Variants in LRRC7 observed in about 807,000 individuals in gnomAD.
The protein encoded by LRRC7 is leucine rich repeat containing 7.
In LRRC7, 23 loss-of-function variants were observed where a neutral mutation model predicts 175.7. The observed-to-expected ratio is 0.13, with a 90% confidence interval of 0.09 to 0.19. The LOEUF (loss-of-function observed/expected upper bound fraction) is 0.19, where lower values mean the gene tolerates loss of function less well. Among genes scored for constraint, LRRC7 ranks in the 10% least tolerant of loss-of-function variants. LRRC7 has a pLI of 1.00. For missense variants in LRRC7, 1,354 were observed against 1,904.7 expected (o/e 0.71, Z 5.38); for synonymous variants, 685 against 680.9 (o/e 1.01, Z -0.09).
chr1:69,914,023 C>A (rs1646612025), intron 7 of LRRC7, among the ~76,000 whole-genome samples: 1 of 152,086 alleles, frequency 6.6e-6, no homozygotes, highest in South Asian at 2.1e-4. Flanking sequence ...ACAGACTAAG[C>A]AAAGTGAAAA....
At position 69,879,875 on chromosome 1, in the gene LRRC7, G is replaced by C. The variant is rs1334870479; in HGVS notation, c.647+41592G>C. 2.0e-5 allele frequency: 3 copies of C among 152,402 alleles called. No homozygotes were observed. In the East Asian group the frequency reaches 5.8e-4, roughly 29 times the overall value. 9.4% of individuals were successfully genotyped at this position (152,402 alleles called of 1,614,324 possible). A position where few individuals can be genotyped will look rare whatever the true frequency, so the allele number is the denominator to read the frequency against. On this transcript the variant is annotated intron_variant, in intron 7 of 26. Transcript: ENST00000651989. Reference sequence around the variant, plus strand: ...ACTGCAGATTCATTCCCTAAGCCATGGAGTCAGGGTCCCCTGCCTTGGTCA... The same window carrying C: ...ACTGCAGATTCATTCCCTAAGCCATCGAGTCAGGGTCCCCTGCCTTGGTCA...
intron 1 of LRRC7, among the ~76,000 whole-genome samples, chr1:69,576,276 C>T (rs148831545): frequency 7.0e-4 from 106 of 151,136 alleles, no homozygotes; most frequent in African/African-American, 2.4e-3. Flanking sequence ...TAAGATCCTT[C>T]CTTCTTCTAA....
chr1:69,923,071 G>C (rs939251678), intron 7 of LRRC7, among the ~76,000 whole-genome samples: 2 of 151,918 alleles, frequency 1.3e-5, no homozygotes, highest in African/African-American at 4.8e-5. Context: ...TGCGGTGTTT[G>C]GTTTTTTGTC....
chr1:69,966,797 G>T (rs951018561), intron 8 of LRRC7, among the ~76,000 whole-genome samples: 1 of 152,224 alleles, frequency 6.6e-6, no homozygotes, highest in African/African-American at 2.4e-5. Context: ...AAAATACAGG[G>T]GTAGAGGAAG....
intron 4 of LRRC7, among the ~76,000 whole-genome samples, chr1:69,816,874 C>T (rs766702264): frequency 1.4e-4 from 21 of 151,916 alleles, no homozygotes; most frequent in East Asian, 1.9e-4. Context: ...TTAGATTCCC[C>T]GTATAAGTGA....
At chr1:69,999,129 G>A (rs1448175752) in intron 11 of LRRC7, among the ~76,000 whole-genome samples, 1 of 152,216 alleles carries the variant, frequency 6.6e-6, no homozygotes, top group Non-Finnish European at 1.5e-5. Flanking sequence ...ATTTAGTCAT[G>A]TCCTTTGAAA....
intron 3 of LRRC7, among the ~76,000 whole-genome samples, chr1:69,764,441 G>T (rs537945986): frequency 6.6e-6 from 1 of 151,998 alleles, no homozygotes; most frequent in African/African-American, 2.4e-5. Context: ...AGTGAATTTG[G>T]TAGATGAAAT....
At chr1:69,746,269 T>C (rs756929142) in intron 2 of LRRC7, among the ~76,000 whole-genome samples, 5 of 152,026 alleles carry the variant, frequency 3.3e-5, no homozygotes. Context: ...ATATCCATTT[T>C]TCAAGACATT....
At chr1:69,808,983 T>C (rs990388602) in intron 4 of LRRC7, among the ~76,000 whole-genome samples, 1 of 151,918 alleles carries the variant, frequency 6.6e-6, no homozygotes, top group Non-Finnish European at 1.5e-5. Context: ...AATCAATGAA[T>C]CCAGGAGCTG....
chr1:69,570,189 G>A (rs904608999), intron 1 of LRRC7, among the ~76,000 whole-genome samples: 3 of 152,032 alleles, frequency 2.0e-5, no homozygotes, highest in African/African-American at 7.2e-5. Context: ...GCATTCCAGC[G>A]AAAGCAGGAC....
intron 2 of LRRC7, among the ~76,000 whole-genome samples, chr1:69,718,989 TC>T (rs1666061634): frequency 6.6e-6 from 1 of 151,856 alleles, no homozygotes; most frequent in Non-Finnish European, 1.5e-5. Context: ...TCCCAATGAT[TC>T]ATTTATGTTT....
At chr1:69,885,277 A>G (rs1347969084) in intron 7 of LRRC7, among the ~76,000 whole-genome samples, 1 of 142,672 alleles carries the variant, frequency 7.0e-6, no homozygotes, top group Admixed American at 6.9e-5. Flanking sequence ...ACTATTGATT[A>G]TTGCCACAAT....
chr1:69,779,191 C>G (rs1346014563), intron 3 of LRRC7, among the ~76,000 whole-genome samples: 1 of 151,940 alleles, frequency 6.6e-6, no homozygotes. Context: ...TTTTACCAAC[C>G]AATAATTACT....
chr1:69,727,582 A>ATG (rs1470679679), intron 2 of LRRC7, among the ~76,000 whole-genome samples: 2 of 152,186 alleles, frequency 1.3e-5, no homozygotes, highest in Non-Finnish European at 2.9e-5. Context: ...ATTAATACTT[A>ATG]TGTGTAAAAT....
At chr1:69,683,976 A>G (rs1360231303) in intron 2 of LRRC7, among the ~76,000 whole-genome samples, 1 of 152,180 alleles carries the variant, frequency 6.6e-6, no homozygotes, top group East Asian at 1.9e-4. Context: ...GAGAATGAAA[A>G]TCCAACCTAA....
chr1:69,904,829 A>G (rs1462623156), intron 7 of LRRC7, among the ~76,000 whole-genome samples: 1 of 152,084 alleles, frequency 6.6e-6, no homozygotes, highest in Non-Finnish European at 1.5e-5. Context: ...CCTCCCACAC[A>G]CAACCCTTGA....
intron 7 of LRRC7, among the ~76,000 whole-genome samples, chr1:69,887,463 C>A (rs1377412610): frequency 1.4e-5 from 2 of 145,058 alleles, no homozygotes; most frequent in Non-Finnish European, 3.0e-5. Flanking sequence ...TGGTTTTCAG[C>A]TCCATCAGCT....
At chr1:70,051,753 A>T (rs1350071434) in intron 22 of LRRC7, among the ~76,000 whole-genome samples, 2 of 151,950 alleles carry the variant, frequency 1.3e-5, no homozygotes, top group Non-Finnish European at 2.9e-5. Context: ...TATATCCATT[A>T]GATCCTAGGA....
At chr1:69,784,526 GC>G (rs1674173567) in intron 3 of LRRC7, among the ~76,000 whole-genome samples, 1 of 152,182 alleles carries the variant, frequency 6.6e-6, no homozygotes, top group Non-Finnish European at 1.5e-5. Context: ...TTTGATGCTT[GC>G]TTCAGTTCCT....
Sources: allele counts gnomAD v4.1 joint callset (sites outside exome capture counted in the v4.1 genomes callset), GRCh38; gene constraint gnomAD v4.1.1; transcripts MANE v1.5; gene names NCBI Gene and HGNC (gene_info 2026-07-23, HGNC 2026-07-21).